Variants in CFAP92 observed in about 807,000 individuals in gnomAD.
The protein encoded by CFAP92 is uncharacterized protein CFAP92.
A neutral mutation model predicts 106.3 loss-of-function variants in CFAP92; 86 were observed. The observed-to-expected ratio is 0.81, with a 90% CI of 0.68 to 0.97. The LOEUF (loss-of-function observed/expected upper bound fraction) is 0.97, where lower values mean the gene tolerates loss of function less well. Ranked by LOEUF, CFAP92 falls within the 50% of genes least tolerant of loss-of-function variation. CFAP92 has a pLI of 0.00. For missense variants in CFAP92, 1,204 were observed against 1,283.8 expected (o/e 0.94, Z 0.95); for synonymous variants, 477 against 506.4 (o/e 0.94, Z 0.78).
chr3:128,936,674 G>A (rs895197909), intron 10 of CFAP92, among the ~76,000 whole-genome samples: 1 of 152,138 alleles, frequency 6.6e-6, no homozygotes, highest in Admixed American at 6.5e-5. Context: ...GCACTCACCA[G>A]TCAGAGGTTG....
Position 128,945,147 on chromosome 3 carries a change from C to A in CFAP92, c.2182G>T (p.Gly728Trp). Residue 728 changes from glycine (G) to tryptophan (W), a missense_variant, in exon 10 of 16, where the codon GGG becomes TGG. Coordinates refer to ENST00000645291, the MANE Select transcript of CFAP92 (RefSeq NM_001394090.1). The part of the protein sequence containing the change: ...DVLTGFHLLD[G>W]KTHLFILEGL... The stretch of plus-strand genomic sequence containing the variant: ...TCCAGGATGAAAAGGTGTGTCTTCC[C>A]GTCCAGCAGGTGGAAGCCAGTGAGC... 2.6e-6 allele frequency: 4 copies of A among 1,536,120 alleles called. No homozygotes were observed. Among genetic ancestry groups the A allele is most frequent in the Non-Finnish European group, 2.6e-6 (3 of 1,146,902 alleles).
Position 128,935,202 on chromosome 3 carries a change from G to A in CFAP92, c.2376C>T (p.Pro792=). The part of the protein sequence containing the change: ...AILYHVHLFQ[P]TELLLQQAVF... ...CCGCCTGCTGCAGCAGCAGCTCCGT[G>A]GGCTGGAAGAGGTGCACGTGGTACA... is the stretch of plus-strand genomic sequence containing the variant. The change falls in exon 11 of 16, where the codon CCC becomes CCT. Residue 792 remains proline (P), a synonymous_variant. Transcript: ENST00000645291. The A allele has an allele frequency of 6.5e-7, 1 of 1,536,070 alleles. No individual in the cohort carries two copies. The highest frequency in any genetic ancestry group is 8.7e-7 in the Non-Finnish European group (1 of 1,146,856).
chr3:128,989,141 T>C (rs940903970), intron 2 of CFAP92, among the ~76,000 whole-genome samples: 1 of 151,958 alleles, frequency 6.6e-6, no homozygotes, highest in Admixed American at 6.6e-5. Context: ...TCAGAGTGAG[T>C]GTCTCAGTTG....
upstream of CFAP92, among the ~76,000 whole-genome samples, chr3:128,998,908 T>C (rs900057525): frequency 2.6e-4 from 40 of 152,314 alleles, no homozygotes; most frequent in African/African-American, 8.4e-4. Context: ...ACCATGAAGA[T>C]AGAGTATTTC....
rs764709438 is a variant in CFAP92, at chr3:128,971,435, T to A, written c.1022-2A>T. The A allele has an allele frequency of 6.3e-7, 1 of 1,597,476 alleles. No homozygotes were observed. The highest frequency in any genetic ancestry group is 2.2e-5 in the East Asian group (1 of 44,734). ...TTCCCTCTGAATCTTTCCCTTTAAC[T>A]GTGAAATCAAACAAAGGAGATGAGC... On this transcript the variant is annotated splice_acceptor_variant, in intron 7 of 15. Coordinates refer to ENST00000645291, the MANE Select transcript of CFAP92 (RefSeq NM_001394090.1). LOFTEE classifies it high-confidence loss of function.
At chr3:128,957,239 T>C (rs992607577) in intron 9 of CFAP92, among the ~76,000 whole-genome samples, 5 of 152,176 alleles carry the variant, frequency 3.3e-5, no homozygotes, top group Admixed American at 1.3e-4. Context: ...ACAAATACAC[T>C]TTCCTTCAAC....
At chr3:128,952,692 G>C (rs940842488) in intron 9 of CFAP92, among the ~76,000 whole-genome samples, 1 of 152,072 alleles carries the variant, frequency 6.6e-6, no homozygotes, top group Non-Finnish European at 1.5e-5. Context: ...GAGGTGGCAG[G>C]GTCACTTGAG....
intron 12 of CFAP92, among the ~76,000 whole-genome samples, chr3:128,924,271 G>A (rs1045847693): frequency 6.6e-6 from 1 of 151,792 alleles, no homozygotes; most frequent in African/African-American, 2.4e-5. Context: ...AGGGTGGAAG[G>A]CTGCCCTGCT....
chr3:128,962,427 T>C (rs1479689806), intron 9 of CFAP92, among the ~76,000 whole-genome samples: 1 of 152,144 alleles, frequency 6.6e-6, no homozygotes, highest in South Asian at 2.1e-4. Flanking sequence ...TGCACTCTTT[T>C]TTAGTTATCC....
rs1475264442 is a variant in CFAP92 at position 128,971,392 on chromosome 3, T to C, written c.1063A>G (p.Arg355Gly). Residue 355 changes from arginine (R) to glycine (G), a missense_variant, in exon 8 of 16, where the codon AGA (arginine) becomes GGA (glycine). Transcript: ENST00000645291. Reference protein sequence around the residue: ...DSEGRRKIQRRHKKPLAEEEA... With the variant: ...DSEGRRKIQRGHKKPLAEEEA... Reference sequence around the variant, plus strand: ...TCTTCTGCCAGGGGCTTCTTATGTCTCCTCTGGATTTTCCTTCTTCCCTCT... The same window carrying C: ...TCTTCTGCCAGGGGCTTCTTATGTCCCCTCTGGATTTTCCTTCTTCCCTCT... 6.2e-7 allele frequency: 1 copy of C among 1,612,586 alleles called. No homozygotes were observed. Among genetic ancestry groups the C allele is most frequent in the South Asian group, 1.1e-5 (1 of 90,882 alleles).
chr3:128,992,939 G>A, intron 2 of CFAP92, 104 bp downstream of exon 2: 1 of 1,377,980 alleles, frequency 7.3e-7, no homozygotes, highest in Non-Finnish European at 1.0e-6. Context: ...CTTTGGGGTG[G>A]GGCAGGTGGA....
intron 9 of CFAP92, among the ~76,000 whole-genome samples, chr3:128,948,678 C>T (rs1051357387): frequency 2.6e-5 from 4 of 151,426 alleles, no homozygotes; most frequent in Non-Finnish European, 2.9e-5. Flanking sequence ...TACAGGCACG[C>T]GCCACCAGGC....
In CFAP92 at chr3:128,910,117, A is replaced by G. The variant is rs779324650; in HGVS notation, c.*182T>C. The G allele has an allele frequency of 5.6e-6, 9 of 1,614,034 alleles. No homozygotes were observed. Among genetic ancestry groups the G allele is most frequent in the Non-Finnish European group, 7.6e-6 (9 of 1,180,024 alleles). ...CGTGCTGTCGCGGGCCAGCCGCTCC[A>G]TCCGCATTGGGCTCCGCAACCACGA... is the stretch of plus-strand genomic sequence containing the variant. On this transcript the variant is annotated 3_prime_UTR_variant, in exon 16 of 16. Coordinates refer to ENST00000645291, the MANE Select transcript of CFAP92 (RefSeq NM_001394090.1).
chr3:128,972,462 G>A (rs576788640), intron 7 of CFAP92, among the ~76,000 whole-genome samples: 6 of 151,924 alleles, frequency 3.9e-5, no homozygotes, highest in African/African-American at 1.2e-4. Flanking sequence ...GGCTGGTCTC[G>A]AACTCCTGAC....
At position 128,921,331 on chromosome 3, in the gene CFAP92, C is replaced by A. The variant is rs148792708; in HGVS notation, c.2752-5060G>T. Among the ~76,000 whole-genome samples, 352 of 152,312 alleles carry A rather than the reference C, an allele frequency of 2.3e-3. 1 individual carries two copies. The highest frequency in any genetic ancestry group is 8.0e-3 in the African/African-American group (333 of 41,566). ...AGGAAAGCTGAGCACTCGGAAGGACCAGGGTAACAATGGCACAAAGTGAAA... is the reference window on the plus strand; with the variant it reads ...AGGAAAGCTGAGCACTCGGAAGGACAAGGGTAACAATGGCACAAAGTGAAA... On this transcript the variant is annotated intron_variant, in intron 12 of 15. Coordinates refer to ENST00000645291, the MANE Select transcript of CFAP92 (RefSeq NM_001394090.1).
chr3:128,952,109 T>A (rs1940865543), intron 9 of CFAP92, among the ~76,000 whole-genome samples: 1 of 151,514 alleles, frequency 6.6e-6, no homozygotes, highest in Non-Finnish European at 1.5e-5. Context: ...CACATACAAT[T>A]TTTTTCTTTC....
At chr3:128,918,969 CAG>C (rs1937048330) in intron 12 of CFAP92, among the ~76,000 whole-genome samples, 2 of 105,182 alleles carry the variant, frequency 1.9e-5, no homozygotes, top group East Asian at 3.0e-4. Context: ...TTTTTTGAGA[CAG>C]AGTTTTGCTC....
chr3:128,986,806 G>A (rs1943884610), intron 4 of CFAP92, among the ~76,000 whole-genome samples: 1 of 152,126 alleles, frequency 6.6e-6, no homozygotes, highest in Admixed American at 6.6e-5. Context: ...CTACCGTCTG[G>A]CTTCAAAGCC....
At chr3:128,918,205 C>G (rs1213374305) in intron 12 of CFAP92, among the ~76,000 whole-genome samples, 1 of 152,240 alleles carries the variant, frequency 6.6e-6, no homozygotes, top group Non-Finnish European at 1.5e-5. Context: ...TGTGGTGGCT[C>G]ATGCCTGTAA....
Sources: gnomAD v4.1 joint callset for allele counts (sites outside exome capture counted in the v4.1 genomes callset) on GRCh38, gnomAD v4.1.1 for gene constraint, MANE v1.5 for transcripts, NCBI Gene and HGNC (gene_info 2026-07-23, HGNC 2026-07-21) for gene names.